The following MTMR10 variants were observed in gnomAD, a reference collection of about 807,000 sequenced individuals.
MTMR10 encodes the protein myotubularin related protein 10.
Under a neutral mutation model 88.1 loss-of-function variants are expected in MTMR10, and 56 were observed. That is an observed-to-expected ratio of 0.64 (90% CI 0.51 to 0.79). The LOEUF is 0.79. Ranked by LOEUF, MTMR10 falls within the 30% of genes least tolerant of loss-of-function variation. The pLI is 0.00. For missense variants in MTMR10, 883 were observed against 924.7 expected, an observed-to-expected ratio of 0.95 and a Z score of 0.58; for synonymous variants, 380 against 340.9, an observed-to-expected ratio of 1.11 and a Z score of -1.26.
chr15:30,951,177 C>A (rs1388868052), intron 12 of MTMR10, among the ~76,000 whole-genome samples: 1 of 152,188 alleles, frequency 6.6e-6, no homozygotes, highest in African/African-American at 2.4e-5. Flanking sequence ...TTATCCTTTG[C>A]TTAACTGAAA....
At position 30,941,404 on chromosome 15, in the gene MTMR10, T is replaced by G. The variant is rs547375227; in HGVS notation, c.*66A>C. 1 of 1,560,180 alleles carries G rather than the reference T, an allele frequency of 6.4e-7. No homozygotes were observed. Among genetic ancestry groups the G allele is most frequent in the Non-Finnish European group, 8.7e-7 (1 of 1,155,818 alleles). The stretch of plus-strand genomic sequence containing the variant: ...TTATTAGAGATTCAAACGCCTAGGT[T>G]AGCAATGTTAATTCAGAGGAAAAAA... On this transcript the variant is annotated 3_prime_UTR_variant, in exon 16 of 16. Transcript: ENST00000435680.
chr15:30,957,000 G>A (rs1480000923), intron 9 of MTMR10, among the ~76,000 whole-genome samples: 1 of 152,124 alleles, frequency 6.6e-6, no homozygotes, highest in East Asian at 1.9e-4. Context: ...GAAAACTGAA[G>A]GTCATTTGAG....
chr15:30,975,773 TTACAC>T (rs1331863474), intron 3 of MTMR10, among the ~76,000 whole-genome samples: 1 of 152,170 alleles, frequency 6.6e-6, no homozygotes, highest in African/African-American at 2.4e-5. Context: ...TGAAATATAC[TTACAC>T]TAAACTATTA....
Position 30,954,848 on chromosome 15 carries a change from A to G in MTMR10, c.981T>C (p.Val327=), listed in dbSNP as rs753293739. Residue 327 remains valine (V), a synonymous_variant, in exon 10 of 16, where the codon GTT becomes GTC. Coordinates refer to ENST00000435680, the MANE Select transcript of MTMR10 (RefSeq NM_017762.3). ...ITKSHPQRSD[V]YKSDLDKTLP... is the part of the protein sequence containing the mutation. ...AGGTCTTATCCAAATCTGATTTGTA[A>G]ACATCACTTCTCTGTGGGTGACTTT... 4.4e-6 allele frequency: 7 copies of G among 1,577,684 alleles called. No individual in the cohort carries two copies. Among genetic ancestry groups the G allele is most frequent in the East Asian group, 4.6e-5 (2 of 43,600 alleles).
chr15:30,952,936 C>T (rs564954674), intron 11 of MTMR10, among the ~76,000 whole-genome samples: 101 of 152,230 alleles, frequency 6.6e-4, no homozygotes, highest in Non-Finnish European at 9.0e-4. Flanking sequence ...ACTACAGGTG[C>T]GTGCCACCAT....
intron 7 of MTMR10, 60 bp from the exon 8 acceptor site, chr15:30,959,181 T>A: frequency 7.2e-7 from 1 of 1,395,362 alleles, no homozygotes; most frequent in Non-Finnish European, 9.8e-7. Flanking sequence ...AGTGTGCTCC[T>A]GCAGACCCTA....
the MTMR10 span, among the ~76,000 whole-genome samples, chr15:30,921,033 C>G: frequency 9.8e-5 from 15 of 152,312 alleles, no homozygotes; most frequent in Admixed American, 9.1e-4. Context: ...ATTTGCCCAC[C>G]TTGGCCTCTG....
chr15:30,942,210 G>T, intron 15 of MTMR10, 138 bp from the exon 16 acceptor site: 1 of 1,072,460 alleles, frequency 9.3e-7, no homozygotes, highest in Non-Finnish European at 1.3e-6. Context: ...CCCTTCCTTT[G>T]TGTCCTTATT....
Position 30,941,750 on chromosome 15 carries a change from A to G in MTMR10, c.2054T>C (p.Leu685Pro). ...GCTCAGTACGTCGACTTCATCAGCC[A>G]GGAGGGAGAGCTTGTGAAAGGCTGT... Reference protein sequence around the residue: ...SITAFHKLSLLADEVDVLSRM... With the variant: ...SITAFHKLSLPADEVDVLSRM... The change falls in exon 16 of 16, where the codon CTG becomes CCG. Residue 685 changes from leucine to proline, a missense_variant. Physicochemically the swap from Leu to Pro is moderately conservative, Grantham distance 98 (BLOSUM62 -3). This residue lies in a region of MTMR10 where 343 missense variants were observed against 323.2 expected (regional missense o/e 1.06). Coordinates refer to ENST00000435680, the MANE Select transcript of MTMR10 (RefSeq NM_017762.3). 1 of 1,613,996 alleles carries G rather than the reference A, an allele frequency of 6.2e-7. No individual in the cohort carries two copies.
intron 5 of MTMR10, among the ~76,000 whole-genome samples, chr15:30,970,722 A>G (rs1422712595): frequency 6.6e-6 from 1 of 152,170 alleles, no homozygotes; most frequent in Non-Finnish European, 1.5e-5. Flanking sequence ...GGCAAAAAAG[A>G]AATAAAGCCT....
In MTMR10 at chr15:30,939,490, T is replaced by C. The variant is rs940185049; in HGVS notation, c.*1980A>G. On this transcript the variant is annotated 3_prime_UTR_variant, in exon 16 of 16. Transcript: ENST00000435680. ...TAGTTGTTTTTCATATTATGCACAA[T>C]AAACTGTAGCACAATAATCATGATA... The C allele has an allele frequency of 1.0e-6, 1 of 984,678 alleles. No individual in the cohort carries two copies. The highest frequency in any genetic ancestry group is 1.2e-6 in the Non-Finnish European group (1 of 829,228). 61.0% of individuals were successfully genotyped at this position (984,678 alleles called of 1,614,324 possible).
intron 14 of MTMR10, chr15:30,946,460 T>C: frequency 2.8e-6 from 1 of 358,300 alleles, no homozygotes. Flanking sequence ...GCTCCCTAGG[T>C]CACACTGCCT....
intron 13 of MTMR10, 23 bp from the exon 14 acceptor site, chr15:30,947,323 G>C (rs555476543): frequency 1.1e-4 from 176 of 1,607,374 alleles, no homozygotes; most frequent in Non-Finnish European, 1.4e-4. Flanking sequence ...AAGAGACAAT[G>C]GGATCATTTA....
intron 5 of MTMR10, 79 bp from the exon 6 acceptor site, chr15:30,968,089 G>A: frequency 9.9e-7 from 1 of 1,007,556 alleles, no homozygotes; most frequent in Non-Finnish European, 1.5e-6. Context: ...TTGGGCACTG[G>A]GAGCATCATC....
the MTMR10 span, chr15:30,929,462 CA>C: frequency 1.0e-5 from 13 of 1,303,750 alleles, no homozygotes. Context: ...GCTGTCTTTT[CA>C]GCAACTTTAT....
chr15:30,925,067 T>C, the MTMR10 span: 5 of 1,529,004 alleles, frequency 3.3e-6, no homozygotes, highest in Non-Finnish European at 3.5e-6. Flanking sequence ...TCAAACTAAA[T>C]GCATGGAAGC....
chr15:30,968,994 T>C (rs2063505092), intron 5 of MTMR10, among the ~76,000 whole-genome samples: 2 of 152,140 alleles, frequency 1.3e-5, no homozygotes, highest in African/African-American at 4.8e-5. Context: ...GAAAAACTTA[T>C]TTAAAAGATT....
intron 7 of MTMR10, 106 bp from the exon 8 acceptor site, chr15:30,959,227 AC>A: frequency 2.0e-6 from 2 of 1,014,978 alleles, no homozygotes; most frequent in Non-Finnish European, 2.9e-6. Flanking sequence ...TTTAATGTGC[AC>A]CCCACTTAGT....
intron 15 of MTMR10, 48 bp from the exon 16 acceptor site, chr15:30,942,120 A>C: frequency 1.3e-6 from 2 of 1,554,840 alleles, no homozygotes; most frequent in Non-Finnish European, 1.7e-6. Flanking sequence ...CTTTTTAGAA[A>C]GATTGAAGGA....
Sources: allele counts gnomAD v4.1 joint callset (sites outside exome capture counted in the v4.1 genomes callset), GRCh38; gene constraint gnomAD v4.1.1; regional missense constraint gnomAD v4.1.1; transcripts MANE v1.5; gene names NCBI Gene and HGNC (gene_info 2026-07-23, HGNC 2026-07-21).